RBX1: variants seen among roughly 807,000 people sequenced by gnomAD.
RBX1 encodes ring-box 1.
For synonymous variants in RBX1, 48 were observed against 47.9 expected (o/e 1.00, Z -0.01); for missense variants, 46 against 141.4 (o/e 0.33, Z 3.42).
chr22:40,953,517 C>CA (rs1569041943), intron 1 of RBX1, 38 bp from the exon 2 acceptor site: 1 of 1,350,964 alleles, frequency 7.4e-7, no homozygotes, highest in Admixed American at 1.7e-5. Flanking sequence ...GTGTGTGTTA[C>CA]AAGCAGAATG....
intron 2 of RBX1, among the ~76,000 whole-genome samples, chr22:40,959,553 A>G (rs1041950923): frequency 6.6e-6 from 1 of 152,152 alleles, no homozygotes; most frequent in Non-Finnish European, 1.5e-5. Context: ...GCTCACGCCT[A>G]TAATCCCAGT....
rs371878580 is a variant in RBX1, at chr22:40,967,759, G to T, written c.229-40G>T. On this transcript the variant is annotated intron_variant, in intron 3 of 4. Coordinates refer to ENST00000216225, the MANE Select transcript of RBX1 (RefSeq NM_014248.4). ...CTGTTGTCGCTCGATGGCTGAGCCT[G>T]CATAGAGTTATTTTTAATAAAATAT... 58 of 1,550,372 alleles carry T rather than the reference G, an allele frequency of 3.7e-5. No individual in the cohort carries two copies. The African/African-American group carries it at 6.3e-4, about 17-fold the overall frequency.
chr22:40,970,739 T>TA (rs140926713), intron 4 of RBX1, among the ~76,000 whole-genome samples: 9,571 of 152,228 alleles, frequency 0.063, 375 homozygotes, highest in Non-Finnish European at 0.097. Flanking sequence ...TTCTTGGGTT[T>TA]AAAAAAACCA....
At chr22:40,963,313 T>G (rs1277460564) in intron 2 of RBX1, among the ~76,000 whole-genome samples, 2 of 152,112 alleles carry the variant, frequency 1.3e-5, no homozygotes, top group East Asian at 3.9e-4. Flanking sequence ...CCAGTTGTGC[T>G]TTACCCATCA....
intron 2 of RBX1, among the ~76,000 whole-genome samples, chr22:40,954,487 T>C (rs2058319737): frequency 6.6e-6 from 1 of 152,166 alleles, no homozygotes; most frequent in African/African-American, 2.4e-5. Context: ...GTGATCTGAT[T>C]ATAGTCTTTG....
At chr22:40,972,321 G>A (rs971831028) in intron 4 of RBX1, among the ~76,000 whole-genome samples, 155 bp from the exon 5 acceptor site, 29 of 152,196 alleles carry the variant, frequency 1.9e-4, no homozygotes, top group African/African-American at 6.0e-4. Flanking sequence ...GAATCACAGC[G>A]ACAGCCAAGC....
At chr22:40,964,186 T>G (rs1488005364) in intron 3 of RBX1, 69 bp downstream of exon 3, 11 of 1,250,962 alleles carry the variant, frequency 8.8e-6, no homozygotes, top group Non-Finnish European at 1.3e-5. Context: ...TTTGCTAGTC[T>G]TGAAAATAAC....
At chr22:40,967,718 C>T (rs2058357937) in intron 3 of RBX1, 81 bp from the exon 4 acceptor site, 5 of 1,096,796 alleles carry the variant, frequency 4.6e-6, no homozygotes, top group East Asian at 2.5e-5. Context: ...TCACCCATGC[C>T]ACTACCCTGT....
chr22:40,958,774 TTTTGG>T (rs57128854), intron 2 of RBX1, among the ~76,000 whole-genome samples: 3,057 of 144,798 alleles, frequency 0.021, 65 homozygotes, highest in Middle Eastern at 0.056. Context: ...TCCATCAGTA[TTTTGG>T]TTTGGTTTGG....
chr22:40,972,392 G>A (rs1277933355), intron 4 of RBX1, 84 bp from the exon 5 acceptor site: 17 of 1,027,832 alleles, frequency 1.7e-5, no homozygotes, highest in Middle Eastern at 4.1e-4. Context: ...TCTAACTAAA[G>A]TTGCTTATGT....
chr22:40,971,470 C>G (rs929747342), intron 4 of RBX1, among the ~76,000 whole-genome samples: 4 of 152,064 alleles, frequency 2.6e-5, no homozygotes, highest in African/African-American at 9.7e-5. Flanking sequence ...CTAAAAAGAT[C>G]CAGGACAAAA....
Position 40,972,588 on chromosome 22 carries a change from T to G in RBX1, c.*100T>G, listed in dbSNP as rs946196556. 104 of 1,008,524 alleles carry G rather than the reference T, an allele frequency of 1.0e-4. No homozygotes were observed. The highest frequency in any genetic ancestry group is 1.4e-4 in the Non-Finnish European group (93 of 648,422). The allele number at this position is 1,008,524 out of a possible 1,614,324, so 62.5% of individuals were successfully genotyped here. On this transcript the variant is annotated 3_prime_UTR_variant, in exon 5 of 5. Coordinates refer to ENST00000216225, the MANE Select transcript of RBX1 (RefSeq NM_014248.4). The stretch of plus-strand genomic sequence containing the variant: ...AATTGGATGGAACTGTGTTTTTTTC[T>G]GCTTTGTTTTTTCAGTTTGCTGTTT...
chr22:40,964,427 G>T, intron 3 of RBX1: 1 of 248,632 alleles, frequency 4.0e-6, no homozygotes, highest in East Asian at 1.0e-4. Context: ...ATATTCTCGT[G>T]GTAGAACTTT....
At chr22:40,952,783 G>A (rs1036581603) in intron 1 of RBX1, among the ~76,000 whole-genome samples, 2 of 152,154 alleles carry the variant, frequency 1.3e-5, no homozygotes, top group Non-Finnish European at 2.9e-5. Flanking sequence ...CTTGTTCTGT[G>A]TACTGACACG....
At chr22:40,964,272 T>A in intron 3 of RBX1, 155 bp downstream of exon 3, 1 of 565,180 alleles carries the variant, frequency 1.8e-6, no homozygotes, top group Non-Finnish European at 3.2e-6. Flanking sequence ...ATCATAATAC[T>A]ATTCACCTGT....
intron 2 of RBX1, among the ~76,000 whole-genome samples, chr22:40,957,482 C>CA (rs1257098895): frequency 2.0e-5 from 3 of 150,808 alleles, no homozygotes; most frequent in Non-Finnish European, 3.0e-5. Flanking sequence ...CCTGTCTCTA[C>CA]AAAAAATTAG....
Position 40,972,722 on chromosome 22 carries a change from C to A in RBX1, c.*234C>A. 2.1e-6 allele frequency: 1 copy of A among 473,460 alleles called. No homozygotes were observed. Among genetic ancestry groups the A allele is most frequent in the Non-Finnish European group, 3.9e-6 (1 of 259,494 alleles). 29.3% of individuals were successfully genotyped at this position (473,460 alleles called of 1,614,324 possible). On this transcript the variant is annotated 3_prime_UTR_variant, in exon 5 of 5. Transcript: ENST00000216225. ...GAACATAAATGAAGAGTCTCCCCTTCCAAGGCTGAAAACTCAGCTTTTGAA... is the reference window on the plus strand; with the variant it reads ...GAACATAAATGAAGAGTCTCCCCTTACAAGGCTGAAAACTCAGCTTTTGAA...
chr22:40,967,646 T>C, intron 3 of RBX1, 153 bp from the exon 4 acceptor site: 1 of 573,234 alleles, frequency 1.7e-6, no homozygotes, highest in South Asian at 2.2e-5. Context: ...CTAACCAAGA[T>C]ATAATCAGTT....
At chr22:40,957,853 T>A (rs1262682220) in intron 2 of RBX1, among the ~76,000 whole-genome samples, 1 of 149,992 alleles carries the variant, frequency 6.7e-6, no homozygotes, top group Non-Finnish European at 1.5e-5. Context: ...GGAGGCGGAG[T>A]CTCACACTGT....
Sources: gnomAD v4.1 joint callset for allele counts (sites outside exome capture counted in the v4.1 genomes callset) on GRCh38, gnomAD v4.1.1 for gene constraint, MANE v1.5 for transcripts, NCBI Gene and HGNC (gene_info 2026-07-23, HGNC 2026-07-21) for gene names.